Variants in RORA observed in about 807,000 individuals in gnomAD.
RORA encodes nuclear receptor ROR-alpha.
RORA carries 7 observed loss-of-function variants against 69.5 expected under a neutral mutation model. The ratio of observed to expected loss-of-function variants is 0.10; its 90% CI spans 0.06 to 0.19. The LOEUF (loss-of-function observed/expected upper bound fraction) is 0.19, where lower values mean the gene tolerates loss of function less well. Among genes scored for constraint, RORA ranks in the 10% least tolerant of loss-of-function variants. RORA has a pLI of 1.00. For missense variants in RORA, 457 were observed against 663.0 expected, an observed-to-expected ratio of 0.69 and a Z score of 3.41; for synonymous variants, 261 against 240.8, an observed-to-expected ratio of 1.08 and a Z score of -0.78.
At chr15:60,687,278 A>G (rs1242427988) in intron 1 of RORA, among the ~76,000 whole-genome samples, 1 of 152,236 alleles carries the variant, frequency 6.6e-6, no homozygotes, top group Non-Finnish European at 1.5e-5. Context: ...ATTTCCTGAT[A>G]TATAGAATAC....
Position 60,985,527 on chromosome 15 carries a change from T to C in RORA, c.166+243526A>G, listed in dbSNP as rs911205657. On this transcript the variant is annotated intron_variant, in intron 1 of 10. Coordinates refer to ENST00000335670, the MANE Select transcript of RORA (RefSeq NM_134261.3). Reference sequence around the variant, plus strand: ...AATTCTGTTTGGAAATCTATGAAGGTATATTTTTCTCACATACGAAAAATT... The same window carrying C: ...AATTCTGTTTGGAAATCTATGAAGGCATATTTTTCTCACATACGAAAAATT... Among the ~76,000 whole-genome samples the C allele has an allele frequency of 3.3e-5, 5 of 151,712 alleles. No homozygotes were observed. The East Asian group carries it at 9.6e-4, about 29-fold the overall frequency.
chr15:60,668,726 A>G (rs1051956333), intron 2 of RORA, among the ~76,000 whole-genome samples: 39 of 152,238 alleles, frequency 2.6e-4, no homozygotes, highest in African/African-American at 8.2e-4. Context: ...ATGGTGTAAG[A>G]GAAAGAGAGA....
chr15:61,203,781 G>GA (rs1456980317), intron 1 of RORA, among the ~76,000 whole-genome samples: 7 of 152,130 alleles, frequency 4.6e-5, no homozygotes, highest in Non-Finnish European at 1.5e-5. Context: ...ACCAAAGAAA[G>GA]AGAAAATCTT....
intron 2 of RORA, among the ~76,000 whole-genome samples, chr15:60,667,191 G>A (rs147177020): frequency 5.7e-4 from 87 of 152,182 alleles, no homozygotes; most frequent in African/African-American, 1.9e-3. Context: ...ATTCACAATC[G>A]TCCCTCTTAC....
intron 1 of RORA, chr15:61,211,924 A>G (rs2079995699): frequency 6.6e-6 from 1 of 152,188 alleles, no homozygotes; most frequent in Admixed American, 6.5e-5. Flanking sequence ...AGCAATGGCA[A>G]TCCCACCCAG....
rs1461693409 is a variant in RORA, at chr15:61,131,959, G to A, written c.166+97094C>T. Among the ~76,000 whole-genome samples the A allele has an allele frequency of 6.6e-6, 1 of 152,210 alleles. No homozygotes were observed. The highest frequency in any genetic ancestry group is 1.5e-5 in the Non-Finnish European group (1 of 68,034). ...GATGCTGTAACCCTGATTACTAGTG[G>A]AGATGGAACTTATGGGTAGAATTCA... On this transcript the variant is annotated intron_variant, in intron 1 of 10. Transcript: ENST00000335670. This position sits in a 1 kb window ranked among gnomAD's most constrained non-coding sequence, Gnocchi z 4.2.
At chr15:61,028,307 T>C (rs544015041) in intron 1 of RORA, among the ~76,000 whole-genome samples, 28 of 152,304 alleles carry the variant, frequency 1.8e-4, no homozygotes, top group Admixed American at 1.8e-3. Context: ...GAGTGGTTTA[T>C]GGAGGGCCCT....
At chr15:60,630,888 CTTT>C (rs542275787) in intron 2 of RORA, among the ~76,000 whole-genome samples, 15 of 109,900 alleles carry the variant, frequency 1.4e-4, no homozygotes, top group African/African-American at 3.8e-4. Context: ...ATGAGACTTT[CTTT>C]TTTTTTTTTT....
chr15:60,662,297 C>T lies in RORA; in HGVS notation c.196+16360G>A, dbSNP rs182091600. Among the ~76,000 whole-genome samples the T allele has an allele frequency of 1.7e-3, 258 of 152,226 alleles. 1 individual carries two copies. Among genetic ancestry groups the T allele is most frequent in the African/African-American group, 5.7e-3 (235 of 41,518 alleles). The stretch of plus-strand genomic sequence containing the variant: ...AATGAGGGTGGAGTCTCATAAACCA[C>T]TAAAAAGAGAGACTTGCTATGCATA... On this transcript the variant is annotated intron_variant, in intron 2 of 10. Coordinates refer to ENST00000335670, the MANE Select transcript of RORA (RefSeq NM_134261.3).
At chr15:60,621,751 A>T (rs2069413866) in intron 2 of RORA, among the ~76,000 whole-genome samples, 1 of 152,084 alleles carries the variant, frequency 6.6e-6, no homozygotes, top group Admixed American at 6.5e-5. Context: ...ACACTGAAAA[A>T]GAGTAAAGGG....
At chr15:60,925,523 C>T (rs1005478640) in intron 1 of RORA, among the ~76,000 whole-genome samples, 10 of 152,222 alleles carry the variant, frequency 6.6e-5, no homozygotes, top group Admixed American at 2.0e-4. Context: ...TAAAGACTCT[C>T]GCCCCTGTGG....
intron 2 of RORA, among the ~76,000 whole-genome samples, chr15:60,582,624 C>T (rs1399889942): frequency 6.6e-6 from 1 of 152,152 alleles, no homozygotes; most frequent in East Asian, 1.9e-4. Flanking sequence ...GGGTGTTGGG[C>T]TTCAGAGGTT....
intron 1 of RORA, among the ~76,000 whole-genome samples, chr15:60,783,253 A>G (rs1174653734): frequency 6.6e-6 from 1 of 152,234 alleles, no homozygotes; most frequent in South Asian, 2.1e-4. Flanking sequence ...AATATACCAA[A>G]GAAATAAAGG....
chr15:60,955,850 G>A (rs986212761), intron 1 of RORA, among the ~76,000 whole-genome samples: 4 of 152,124 alleles, frequency 2.6e-5, no homozygotes, highest in African/African-American at 9.7e-5. Flanking sequence ...TATCCATTTT[G>A]TGTATTCCAC....
intron 1 of RORA, among the ~76,000 whole-genome samples, chr15:60,772,046 T>C: frequency 6.6e-6 from 1 of 151,984 alleles, no homozygotes; most frequent in East Asian, 1.9e-4. Flanking sequence ...TATTTTATTA[T>C]TTATTTTTAT....
intron 6 of RORA, among the ~76,000 whole-genome samples, chr15:60,503,976 T>TA (rs1485082563): frequency 6.6e-6 from 1 of 152,016 alleles, no homozygotes; most frequent in Non-Finnish European, 1.5e-5. Flanking sequence ...CTAATTTCTG[T>TA]ATGTTTAATA....
chr15:60,653,110 T>G (rs1173932490), intron 2 of RORA, among the ~76,000 whole-genome samples: 1 of 152,256 alleles, frequency 6.6e-6, no homozygotes, highest in Non-Finnish European at 1.5e-5. Flanking sequence ...CTACAGGTTA[T>G]GAACCACTTT....
chr15:61,089,538 C>T (rs1204375028), intron 1 of RORA, among the ~76,000 whole-genome samples: 2 of 152,178 alleles, frequency 1.3e-5, no homozygotes, highest in African/African-American at 4.8e-5. Flanking sequence ...GAAAAGGATG[C>T]CTTTCACTTG....
At chr15:60,529,713 A>G (rs2066472577) in intron 3 of RORA, 1 of 152,226 alleles carries the variant, frequency 6.6e-6, no homozygotes, top group Non-Finnish European at 1.5e-5. Context: ...AAGAGTAAAA[A>G]GAAAATTCAC....
Sources: allele counts gnomAD v4.1 joint callset (sites outside exome capture counted in the v4.1 genomes callset), GRCh38; gene constraint gnomAD v4.1.1; non-coding constraint Gnocchi (gnomAD v3.1); transcripts MANE v1.5; gene names NCBI Gene and HGNC (gene_info 2026-07-23, HGNC 2026-07-21).